Variants in CDH18 observed in about 807,000 individuals in gnomAD.
CDH18 encodes the protein cadherin 18.
CDH18 carries 31 observed loss-of-function variants against 67.9 expected under a neutral mutation model. The ratio of observed to expected loss-of-function variants is 0.46; its 90% confidence interval spans 0.34 to 0.62. The LOEUF is 0.62. Ranked by LOEUF, CDH18 falls within the 20% of genes least tolerant of loss-of-function variation. CDH18 has a pLI of 0.01. For synonymous variants in CDH18, 362 were observed against 347.2 expected (o/e 1.04, Z -0.48); for missense variants, 890 against 975.5 (o/e 0.91, Z 1.17).
intron 3 of CDH18, among the ~76,000 whole-genome samples, chr5:19,798,691 G>A (rs543255716): frequency 2.0e-4 from 30 of 151,838 alleles, no homozygotes; most frequent in African/African-American, 6.3e-4. Context: ...ATCAATTTCC[G>A]CTCATTCTAA....
At chr5:19,993,605 C>T (rs1207102318) in intron 2 of CDH18, among the ~76,000 whole-genome samples, 5 of 152,144 alleles carry the variant, frequency 3.3e-5, no homozygotes, top group Admixed American at 2.6e-4. Context: ...CTGTAGCACA[C>T]ACATATACAC....
At chr5:20,535,234 T>C (rs190087207) in intron 1 of CDH18, among the ~76,000 whole-genome samples, 2 of 152,294 alleles carry the variant, frequency 1.3e-5, no homozygotes, top group East Asian at 3.9e-4. Context: ...GCCGATTTGC[T>C]TGCTGACTGT....
intron 2 of CDH18, among the ~76,000 whole-genome samples, chr5:20,076,319 T>C (rs1743933180): frequency 6.6e-6 from 1 of 152,068 alleles, no homozygotes; most frequent in Admixed American, 6.6e-5. Flanking sequence ...GTGGAATATT[T>C]AGATTTTTCA....
Position 19,721,373 on chromosome 5 carries a change from GGTT to G in CDH18, c.614_616del (p.Gln205del). ...TGTTTTAGGGTCGACGGAGAAGTAGGGTTGTCCTTGGAGAATGCTGTAAACCAC... is the reference window on the plus strand; with the variant it reads ...TGTTTTAGGGTCGACGGAGAAGTAGGGTCCTTGGAGAATGCTGTAAACCAC... On this transcript the variant is annotated inframe_deletion, in exon 5 of 13. Transcript: ENST00000382275. 1 of 1,607,206 alleles carries G rather than the reference GGTT, an allele frequency of 6.2e-7. No individual in the cohort carries two copies. The highest frequency in any genetic ancestry group is 1.1e-5 in the South Asian group (1 of 90,358).
intron 2 of CDH18, among the ~76,000 whole-genome samples, chr5:20,015,111 C>G (rs1322661623): frequency 6.6e-6 from 1 of 152,068 alleles, no homozygotes; most frequent in African/African-American, 2.4e-5. Flanking sequence ...TATAGGGTTT[C>G]TAGTAATCTA....
chr5:20,150,135 A>G (rs1750986897), intron 2 of CDH18, among the ~76,000 whole-genome samples: 1 of 152,132 alleles, frequency 6.6e-6, no homozygotes, highest in African/African-American at 2.4e-5. Flanking sequence ...TGATTTTTTC[A>G]TGACAATGGG....
At chr5:19,834,091 T>C (rs999518494) in intron 3 of CDH18, among the ~76,000 whole-genome samples, 1 of 152,156 alleles carries the variant, frequency 6.6e-6, no homozygotes, top group East Asian at 1.9e-4. Context: ...TCAGAAGGAA[T>C]GGTACCAGCC....
chr5:20,159,932 C>T (rs1460843681), intron 2 of CDH18, among the ~76,000 whole-genome samples: 2 of 152,090 alleles, frequency 1.3e-5, no homozygotes, highest in Non-Finnish European at 2.9e-5. Context: ...CCAAGAATCT[C>T]ACTTCATTTC....
chr5:20,428,451 T>A (rs1398348808), intron 1 of CDH18, among the ~76,000 whole-genome samples: 2 of 152,230 alleles, frequency 1.3e-5, no homozygotes, highest in Non-Finnish European at 2.9e-5. Flanking sequence ...AACCTTTGGG[T>A]ATAAACCCAG....
chr5:19,856,584 T>A (rs1004405939), intron 2 of CDH18, among the ~76,000 whole-genome samples: 1 of 152,028 alleles, frequency 6.6e-6, no homozygotes, highest in Non-Finnish European at 1.5e-5. Flanking sequence ...TGTGAACGGG[T>A]TTAAAAATAA....
intron 1 of CDH18, among the ~76,000 whole-genome samples, chr5:20,257,528 G>A (rs1211364465): frequency 6.6e-6 from 1 of 152,014 alleles, no homozygotes; most frequent in South Asian, 2.1e-4. Context: ...AGTTCATAGA[G>A]CCCAATGCAC....
chr5:19,558,463 G>A (rs1738848516), intron 8 of CDH18, among the ~76,000 whole-genome samples: 1 of 151,868 alleles, frequency 6.6e-6, no homozygotes, highest in Non-Finnish European at 1.5e-5. Flanking sequence ...ACAGGAGATA[G>A]TAGAACTGAT....
chr5:19,496,098 G>T (rs1347808064), intron 11 of CDH18, among the ~76,000 whole-genome samples: 1 of 152,154 alleles, frequency 6.6e-6, no homozygotes, highest in African/African-American at 2.4e-5. Context: ...GAAGACAAAA[G>T]AAAAGCTTTT....
At chr5:20,551,985 T>C (rs188371228) in intron 1 of CDH18, among the ~76,000 whole-genome samples, 140 of 152,200 alleles carry the variant, frequency 9.2e-4, no homozygotes, top group Admixed American at 1.6e-3. Flanking sequence ...TTTTCAGTAT[T>C]TATGAGACTT....
chr5:19,644,028 C>T (rs1754406671), intron 5 of CDH18, among the ~76,000 whole-genome samples: 1 of 152,158 alleles, frequency 6.6e-6, no homozygotes, highest in South Asian at 2.1e-4. Context: ...CTCCTTCTCA[C>T]TTCACTGATG....
At chr5:20,093,112 C>T (rs796217566) in intron 2 of CDH18, among the ~76,000 whole-genome samples, 29 of 152,074 alleles carry the variant, frequency 1.9e-4, no homozygotes, top group African/African-American at 6.7e-4. Context: ...TGGCACACAC[C>T]TGCATTCCCA....
intron 6 of CDH18, among the ~76,000 whole-genome samples, chr5:19,600,696 A>T (rs574539955): frequency 3.9e-5 from 6 of 151,926 alleles, no homozygotes; most frequent in African/African-American, 1.5e-4. Flanking sequence ...ATGGGGAGAA[A>T]TTTTTTCCTT....
intron 2 of CDH18, among the ~76,000 whole-genome samples, chr5:20,035,071 G>C (rs1432896795): frequency 2.0e-5 from 3 of 151,990 alleles, no homozygotes; most frequent in Non-Finnish European, 2.9e-5. Flanking sequence ...TCAGCAATTA[G>C]GTGAGCATGG....
intron 1 of CDH18, among the ~76,000 whole-genome samples, chr5:20,437,876 T>C (rs1209236668): frequency 6.6e-6 from 1 of 151,310 alleles, no homozygotes; most frequent in Admixed American, 6.6e-5. Context: ...TAAATAAAAT[T>C]ATAGAATAAA....
Sources: gnomAD v4.1 joint callset for allele counts (sites outside exome capture counted in the v4.1 genomes callset) on GRCh38, gnomAD v4.1.1 for gene constraint, MANE v1.5 for transcripts, NCBI Gene and HGNC (gene_info 2026-07-23, HGNC 2026-07-21) for gene names.